The following NPAS3 variants were observed in gnomAD, a reference collection of about 807,000 sequenced individuals.
NPAS3 encodes neuronal PAS domain-containing protein 3.
A neutral mutation model predicts 73.1 loss-of-function variants in NPAS3; 14 were observed. The ratio of observed to expected loss-of-function variants is 0.19; its 90% CI spans 0.13 to 0.30. NPAS3 has a LOEUF of 0.30. NPAS3 is among the 10% of genes least tolerant of loss of function. The pLI, the probability that NPAS3 is intolerant of heterozygous loss-of-function variation, is 1.00. For synonymous variants in NPAS3, 620 were observed against 541.5 expected (o/e 1.14, Z -2.01); for missense variants, 1,096 against 1,250.0 (o/e 0.88, Z 1.86).
intron 1 of NPAS3, among the ~76,000 whole-genome samples, chr14:33,007,763 T>C (rs1270339486): frequency 1.3e-5 from 2 of 152,230 alleles, no homozygotes; most frequent in South Asian, 4.1e-4. Flanking sequence ...AGGGGACAGA[T>C]AGTAAATATT....
rs978396111 is a variant in NPAS3, at chr14:33,602,118, G to C, written c.558+41908G>C. 9.2e-5 allele frequency among the ~76,000 whole-genome samples: 14 copies of C among 152,148 alleles called. 1 individual carries two copies. The South Asian group carries it at 2.9e-3, about 32-fold the overall frequency. ...GACCTCGATTAGCTAGAATTCAAGG[G>C]GCAGAGATGAGAGCTCCACAGAGTG... On this transcript the variant is annotated intron_variant, in intron 5 of 11. Coordinates refer to ENST00000356141, the Ensembl canonical transcript of NPAS3.
At chr14:33,567,859 C>T (rs548247566) in intron 5 of NPAS3, among the ~76,000 whole-genome samples, 6 of 152,278 alleles carry the variant, frequency 3.9e-5, no homozygotes, top group South Asian at 2.1e-4. Context: ...CGTCATCATA[C>T]GTGAGAATCA....
At chr14:33,246,457 T>C (rs1408342608) in intron 3 of NPAS3, among the ~76,000 whole-genome samples, 1 of 145,272 alleles carries the variant, frequency 6.9e-6, no homozygotes, top group Non-Finnish European at 1.5e-5. Context: ...GAGAATGGCG[T>C]GAACCCCGGG....
At chr14:33,185,651 A>G (rs1383100216) in intron 2 of NPAS3, among the ~76,000 whole-genome samples, 4 of 152,144 alleles carry the variant, frequency 2.6e-5, no homozygotes, top group African/African-American at 9.7e-5. Context: ...TTCTTGGAAA[A>G]TCACAGGAAC....
chr14:32,973,533 A>ATTT (rs71432099), intron 1 of NPAS3, among the ~76,000 whole-genome samples: 11,979 of 128,756 alleles, frequency 0.093, 650 homozygotes, highest in Non-Finnish European at 0.13. Flanking sequence ...GTATATTTTG[A>ATTT]TTTTTTTTTT....
intron 2 of NPAS3, among the ~76,000 whole-genome samples, chr14:33,203,684 G>C (rs2046709981): frequency 6.6e-6 from 1 of 152,090 alleles, no homozygotes; most frequent in South Asian, 2.1e-4. Flanking sequence ...AGTATTCCAT[G>C]GTGTATATGT....
chr14:33,785,557 A>G (rs776284591), intron 9 of NPAS3, among the ~76,000 whole-genome samples: 3 of 152,038 alleles, frequency 2.0e-5, no homozygotes, highest in Non-Finnish European at 4.4e-5. Context: ...TCTTATACAA[A>G]CTATTTTTTA....
intron 1 of NPAS3, among the ~76,000 whole-genome samples, chr14:33,011,377 C>T (rs115311077): frequency 6.6e-6 from 1 of 152,168 alleles, no homozygotes; most frequent in Non-Finnish European, 1.5e-5. Flanking sequence ...CATCACAGGG[C>T]ACATTCACAC....
intron 1 of NPAS3, among the ~76,000 whole-genome samples, chr14:32,966,438 A>G (rs189596468): frequency 1.3e-5 from 2 of 152,346 alleles, no homozygotes; most frequent in East Asian, 1.9e-4. Flanking sequence ...TGTCAAGAAT[A>G]CACATTAGGA....
At chr14:33,224,594 G>A (rs1265449141) in intron 3 of NPAS3, among the ~76,000 whole-genome samples, 4 of 152,076 alleles carry the variant, frequency 2.6e-5, no homozygotes, top group Non-Finnish European at 5.9e-5. Context: ...TACAGAGTTG[G>A]AACTAGAATT....
chr14:33,495,889 TC>T (rs2052158541), intron 4 of NPAS3, among the ~76,000 whole-genome samples: 1 of 152,014 alleles, frequency 6.6e-6, no homozygotes, highest in Non-Finnish European at 1.5e-5. Context: ...AAAAATCCCT[TC>T]AAAAAAATCA....
intron 5 of NPAS3, among the ~76,000 whole-genome samples, chr14:33,620,331 C>T (rs113175598): frequency 0.015 from 2,309 of 152,158 alleles, 54 homozygotes; most frequent in African/African-American, 0.053. Flanking sequence ...TACATTTTTC[C>T]TTATTCAAAA....
chr14:33,355,962 C>T (rs1374731316), intron 3 of NPAS3, among the ~76,000 whole-genome samples: 2 of 152,206 alleles, frequency 1.3e-5, no homozygotes, highest in Admixed American at 6.5e-5. Flanking sequence ...CATGCAGGCC[C>T]ATTTGTCTGT....
chr14:33,307,106 G>C (rs1383195338), intron 3 of NPAS3, among the ~76,000 whole-genome samples: 1 of 152,122 alleles, frequency 6.6e-6, no homozygotes, highest in Non-Finnish European at 1.5e-5. Flanking sequence ...ATGTGCCTGG[G>C]CTTTGTCCAG....
intron 6 of NPAS3, among the ~76,000 whole-genome samples, chr14:33,710,560 G>T (rs1453057441): frequency 1.3e-5 from 2 of 152,104 alleles, no homozygotes; most frequent in South Asian, 4.1e-4. Context: ...GCTGGAAAAC[G>T]AATGGCTCAG....
intron 3 of NPAS3, among the ~76,000 whole-genome samples, chr14:33,217,518 G>C (rs979975942): frequency 1.3e-5 from 2 of 152,192 alleles, no homozygotes; most frequent in South Asian, 2.1e-4. Context: ...AAATATATAA[G>C]TTCGAAAAAT....
chr14:32,946,348 G>GCACACACACACACACACACACA (rs3057257), intron 1 of NPAS3, among the ~76,000 whole-genome samples: 31 of 139,398 alleles, frequency 2.2e-4, no homozygotes, highest in Admixed American at 4.4e-4. Flanking sequence ...ACACACACGC[G>GCACACACACACACACACACACA]CACACACACA....
At chr14:33,291,249 A>G (rs368536990) in intron 3 of NPAS3, among the ~76,000 whole-genome samples, 2 of 152,176 alleles carry the variant, frequency 1.3e-5, no homozygotes, top group East Asian at 1.9e-4. Flanking sequence ...GATGCTGTTA[A>G]GAGAGAAGCA....
intron 1 of NPAS3, among the ~76,000 whole-genome samples, chr14:32,954,490 A>G (rs2139168464): frequency 6.6e-6 from 1 of 152,298 alleles, no homozygotes; most frequent in East Asian, 1.9e-4. Flanking sequence ...TTTAAGCCTC[A>G]GTCTGGACTG....
Sources: gnomAD v4.1 joint callset for allele counts (sites outside exome capture counted in the v4.1 genomes callset) on GRCh38, gnomAD v4.1.1 for gene constraint, MANE v1.5 for transcripts, NCBI Gene and HGNC (gene_info 2026-07-23, HGNC 2026-07-21) for gene names.